The following LYN variants were observed in gnomAD, a reference collection of about 807,000 sequenced individuals.
LYN encodes LYN proto-oncogene, Src family tyrosine kinase.
LYN carries 12 observed loss-of-function variants against 65.0 expected under a neutral mutation model. That is an observed-to-expected ratio of 0.18 (90% CI 0.12 to 0.30). The LOEUF (loss-of-function observed/expected upper bound fraction) is 0.30. Ranked by LOEUF, LYN falls within the 10% of genes least tolerant of loss-of-function variation. The probability of loss-of-function intolerance (pLI) is 1.00; values close to 1 mark genes in which losing one functional copy is unlikely to be tolerated. For missense variants in LYN, 380 were observed against 623.2 expected, an observed-to-expected ratio of 0.61 and a Z score of 4.16; for synonymous variants, 222 against 221.2, an observed-to-expected ratio of 1.00 and a Z score of -0.03.
chr8:56,003,065 T>G (rs889752602), intron 12 of LYN, among the ~76,000 whole-genome samples: 2 of 150,986 alleles, frequency 1.3e-5, no homozygotes, highest in Non-Finnish European at 3.0e-5. Flanking sequence ...GTTTTTTGTT[T>G]TTTTTTTTTT....
At chr8:55,891,392 A>G (rs1447561764) in intron 1 of LYN, among the ~76,000 whole-genome samples, 1 of 152,144 alleles carries the variant, frequency 6.6e-6, no homozygotes, top group Non-Finnish European at 1.5e-5. Flanking sequence ...TGATACAACA[A>G]GGACAAAACT....
At chr8:55,966,330 A>AT (rs890646995) in intron 8 of LYN, among the ~76,000 whole-genome samples, 1 of 151,446 alleles carries the variant, frequency 6.6e-6, no homozygotes, top group Non-Finnish European at 1.5e-5. Context: ...CTGTAATTAA[A>AT]TTTTTTGCTA....
chr8:55,935,814 A>T (rs534667102), intron 1 of LYN, among the ~76,000 whole-genome samples: 8 of 151,372 alleles, frequency 5.3e-5, no homozygotes, highest in Admixed American at 2.0e-4. Flanking sequence ...ATTTGGGAAA[A>T]TTGATGCAAG....
chr8:55,915,207 G>C (rs926302183), intron 1 of LYN, among the ~76,000 whole-genome samples: 2 of 152,110 alleles, frequency 1.3e-5, no homozygotes, highest in Non-Finnish European at 2.9e-5. Flanking sequence ...AATGGATGCT[G>C]CCTGCCTTCC....
intron 1 of LYN, among the ~76,000 whole-genome samples, chr8:55,898,666 T>C (rs1479871539): frequency 6.6e-6 from 1 of 152,260 alleles, no homozygotes; most frequent in Non-Finnish European, 1.5e-5. Flanking sequence ...ATTTTTAGTA[T>C]GTTCACAGAG....
intron 8 of LYN, among the ~76,000 whole-genome samples, chr8:55,960,653 A>T (rs1807245574): frequency 6.6e-6 from 1 of 152,210 alleles, no homozygotes; most frequent in African/African-American, 2.4e-5. Flanking sequence ...TTAGTTTCTC[A>T]AAGGATAAGC....
chr8:55,937,516 A>G (rs1217938821), intron 1 of LYN, among the ~76,000 whole-genome samples: 2 of 152,230 alleles, frequency 1.3e-5, no homozygotes, highest in African/African-American at 4.8e-5. Flanking sequence ...TCTCTACTAT[A>G]AGTCATGCTA....
intron 1 of LYN, among the ~76,000 whole-genome samples, chr8:55,919,336 G>A (rs952868579): frequency 6.6e-6 from 1 of 152,152 alleles, no homozygotes; most frequent in Admixed American, 6.5e-5. Flanking sequence ...TTTAGTGTTC[G>A]TACTTTAAGT....
At chr8:55,922,014 A>C (rs1226556227) in intron 1 of LYN, among the ~76,000 whole-genome samples, 1 of 152,212 alleles carries the variant, frequency 6.6e-6, no homozygotes, top group Non-Finnish European at 1.5e-5. Context: ...AAATAGGTAC[A>C]TTCTTCCGTG....
At chr8:55,957,544 G>A (rs549993902) in intron 8 of LYN, among the ~76,000 whole-genome samples, 4 of 152,330 alleles carry the variant, frequency 2.6e-5, no homozygotes. Flanking sequence ...CCAGGATAAA[G>A]CATCAAATTG....
At chr8:55,994,794 G>C (rs1043601405) in intron 10 of LYN, among the ~76,000 whole-genome samples, 1 of 152,118 alleles carries the variant, frequency 6.6e-6, no homozygotes, top group African/African-American at 2.4e-5. Flanking sequence ...ATTTTTAAAG[G>C]CTGCACTACC....
At chr8:55,928,087 G>A (rs1222417224) in intron 1 of LYN, among the ~76,000 whole-genome samples, 1 of 152,136 alleles carries the variant, frequency 6.6e-6, no homozygotes, top group Non-Finnish European at 1.5e-5. Context: ...TGTAGTCAGT[G>A]TTTTAGATTT....
intron 4 of LYN, among the ~76,000 whole-genome samples, chr8:55,948,390 C>T (rs778088270): frequency 3.3e-5 from 5 of 152,164 alleles, no homozygotes; most frequent in Non-Finnish European, 7.3e-5. Context: ...AGACTGGGTT[C>T]ATGGGCCCAG....
chr8:55,997,566 C>T (rs1409536929), intron 10 of LYN, among the ~76,000 whole-genome samples: 1 of 152,096 alleles, frequency 6.6e-6, no homozygotes, highest in Non-Finnish European at 1.5e-5. Context: ...CGTGAGGGCT[C>T]CACCGTCCTG....
At chr8:55,995,994 C>A (rs1808362925) in intron 10 of LYN, among the ~76,000 whole-genome samples, 1 of 152,102 alleles carries the variant, frequency 6.6e-6, no homozygotes, top group South Asian at 2.1e-4. Flanking sequence ...ATGTGAAAAC[C>A]CCAGCCCATT....
At chr8:55,953,240 T>A (rs978466015) in intron 7 of LYN, among the ~76,000 whole-genome samples, 3 of 152,216 alleles carry the variant, frequency 2.0e-5, no homozygotes, top group African/African-American at 7.2e-5. Flanking sequence ...AACCACATTT[T>A]ATTAAGTGTG....
intron 10 of LYN, among the ~76,000 whole-genome samples, chr8:55,993,512 G>A (rs1360406407): frequency 2.6e-5 from 4 of 152,192 alleles, no homozygotes; most frequent in Non-Finnish European, 4.4e-5. Flanking sequence ...TAGAATCGTG[G>A]ACTTTGAGGT....
chr8:55,901,939 G>A (rs766623489), intron 1 of LYN, among the ~76,000 whole-genome samples: 52 of 152,160 alleles, frequency 3.4e-4, no homozygotes, highest in Non-Finnish European at 4.1e-4. Context: ...GCACAGACAC[G>A]GGAAAGGATC....
At position 55,950,759 on chromosome 8, in the gene LYN, T is replaced by C. The variant is rs563537704; in HGVS notation, c.462T>C (p.Leu154=). 6 of 1,612,990 alleles carry C rather than the reference T, an allele frequency of 3.7e-6. No individual in the cohort carries two copies. In the South Asian group the frequency reaches 6.6e-5, roughly 18 times the overall value. The change falls in exon 6 of 13, where the codon CTT becomes CTC. Residue 154 remains leucine (L), a synonymous_variant. Coordinates refer to ENST00000519728, the MANE Select transcript of LYN (RefSeq NM_002350.4). ...CAGGAAATAGCGCTGGAGCTTTCCT[T>C]ATTAGAGAAAGTGAAACATTAAAAG... The part of the protein sequence containing the change: ...LAPGNSAGAF[L]IRESETLKGS...
Sources: gnomAD v4.1 joint callset for allele counts (sites outside exome capture counted in the v4.1 genomes callset) on GRCh38, gnomAD v4.1.1 for gene constraint, MANE v1.5 for transcripts, NCBI Gene and HGNC (gene_info 2026-07-23, HGNC 2026-07-21) for gene names.